Variants in MAST3 observed in about 807,000 individuals in gnomAD.
MAST3 encodes the protein microtubule-associated serine/threonine-protein kinase 3.
In MAST3, 43 loss-of-function variants were observed where a neutral mutation model predicts 127.0. The ratio of observed to expected loss-of-function variants is 0.34; its 90% CI spans 0.27 to 0.44. The LOEUF (loss-of-function observed/expected upper bound fraction) is 0.44, where lower values mean the gene tolerates loss of function less well. Among genes scored for constraint, MAST3 ranks in the 20% least tolerant of loss-of-function variants. The pLI is 1.00. For missense variants in MAST3, 1,390 were observed against 1,919.1 expected (o/e 0.72, Z 5.15); for synonymous variants, 785 against 809.2 (o/e 0.97, Z 0.51).
chr19:18,102,180 T>C (rs2037690602), intron 1 of MAST3, among the ~76,000 whole-genome samples: 1 of 141,618 alleles, frequency 7.1e-6, no homozygotes, highest in African/African-American at 2.7e-5. Flanking sequence ...GCGCCTGGCC[T>C]TTTTTTTTTG....
At chr19:18,126,242 T>G (rs761716981) in intron 11 of MAST3, among the ~76,000 whole-genome samples, 2 of 151,522 alleles carry the variant, frequency 1.3e-5, no homozygotes, top group Non-Finnish European at 2.9e-5. Context: ...AAAAAAAAAT[T>G]TCCACAAATA....
At chr19:18,127,956 ACC>A (rs2040846243) in intron 11 of MAST3, among the ~76,000 whole-genome samples, 6 of 152,212 alleles carry the variant, frequency 3.9e-5, no homozygotes, top group Admixed American at 3.9e-4. Context: ...ACCCAGGTGT[ACC>A]TAAGGCCAGA....
intron 20 of MAST3, among the ~76,000 whole-genome samples, chr19:18,141,609 G>A (rs2042497780): frequency 2.6e-5 from 4 of 152,024 alleles, no homozygotes; most frequent in Admixed American, 2.0e-4. Context: ...CTGACCTCAA[G>A]TGATCCGCCC....
rs745395962 is a variant in MAST3 at position 18,149,773 on chromosome 19, T to G, written c.*47T>G. The G allele has an allele frequency of 2.5e-5, 40 of 1,602,934 alleles. No homozygotes were observed. In the South Asian group the frequency reaches 3.8e-4, roughly 15 times the overall value. On this transcript the variant is annotated 3_prime_UTR_variant, in exon 28 of 28. Coordinates refer to ENST00000687212, the MANE Select transcript of MAST3 (RefSeq NM_001393504.1). This position sits in a 1 kb window ranked among gnomAD's most constrained non-coding sequence, Gnocchi z 5.9. ...GGCATCAAAGTTACGCGTTTTCTTG[T>G]GCAATGTTTTTTCCGTAAAGTCATG...
chr19:18,097,788 G>T lies in MAST3; in HGVS notation c.-5G>T. 4.9e-6 allele frequency: 6 copies of T among 1,218,348 alleles called. No individual in the cohort carries two copies. The highest frequency in any genetic ancestry group is 6.1e-6 in the Non-Finnish European group (6 of 979,426). The allele number at this position is 1,218,348 out of a possible 1,614,324, so 75.5% of individuals were successfully genotyped here. ...GGCGGGCCTGGCGGCGCGGACTCCC[G>T]GGCCATGGACGAGTCGAGCCTCCTG... On this transcript the variant is annotated 5_prime_UTR_variant, in exon 1 of 28. Transcript: ENST00000687212.
chr19:18,127,438 C>G (rs925061995), intron 11 of MAST3, among the ~76,000 whole-genome samples: 1 of 152,088 alleles, frequency 6.6e-6, no homozygotes, highest in African/African-American at 2.4e-5. Flanking sequence ...AATCCCAGCA[C>G]TTTGGGAGGC....
chr19:18,126,948 T>A (rs1176412741), intron 11 of MAST3, among the ~76,000 whole-genome samples: 4 of 151,600 alleles, frequency 2.6e-5, no homozygotes, highest in Non-Finnish European at 5.9e-5. Flanking sequence ...GCCCGGCTAA[T>A]TTTTTGTATT....
intron 1 of MAST3, among the ~76,000 whole-genome samples, chr19:18,107,048 T>TCCG (rs2038138536): frequency 7.4e-6 from 1 of 134,304 alleles, no homozygotes; most frequent in East Asian, 2.4e-4. Context: ...ACTCCTGAAC[T>TCCG]CAAGTGATCC....
intron 15 of MAST3, among the ~76,000 whole-genome samples, chr19:18,133,213 C>G (rs1295797949): frequency 1.3e-5 from 2 of 152,102 alleles, no homozygotes; most frequent in Non-Finnish European, 2.9e-5. Flanking sequence ...GCTCGATGCT[C>G]TAAGGAACTC....
chr19:18,100,128 CTT>C (rs58879254), intron 1 of MAST3, among the ~76,000 whole-genome samples: 6 of 121,700 alleles, frequency 4.9e-5, no homozygotes, highest in African/African-American at 8.4e-5. Context: ...CTCTCTCTCT[CTT>C]TTTTTTTTTT....
intron 5 of MAST3, chr19:18,122,181 A>G (rs1225794474): frequency 1.1e-6 from 1 of 945,416 alleles, no homozygotes; most frequent in East Asian, 1.2e-4. Flanking sequence ...TAGCCCTAAG[A>G]ATCATTAACT....
At chr19:18,136,282 C>T (rs1419066702) in intron 18 of MAST3, among the ~76,000 whole-genome samples, 1 of 152,228 alleles carries the variant, frequency 6.6e-6, no homozygotes. Context: ...CGGGGATCAT[C>T]ACCTGCTCTG....
In MAST3 at chr19:18,102,918, C is replaced by A. The variant is rs149724178; in HGVS notation, c.40-4669C>A. On this transcript the variant is annotated intron_variant, in intron 1 of 27. Coordinates refer to ENST00000687212, the MANE Select transcript of MAST3 (RefSeq NM_001393504.1). ...GGGTGCTCCTGCTGTGCTATGTCTT[C>A]TCCAAAATGGGATTTCCTCAAGGTG... 1.7e-3 allele frequency among the ~76,000 whole-genome samples: 260 copies of A among 152,328 alleles called. 3 individuals are homozygous for A. Among genetic ancestry groups the A allele is most frequent in the African/African-American group, 6.0e-3 (248 of 41,584 alleles).
At chr19:18,124,980 G>A (rs899318457) in intron 11 of MAST3, among the ~76,000 whole-genome samples, 11 of 149,374 alleles carry the variant, frequency 7.4e-5, no homozygotes, top group Admixed American at 7.3e-4. Context: ...GGTGGCGCAT[G>A]CCTGTAATCC....
In MAST3 at chr19:18,135,844, A is replaced by G; in HGVS notation, c.1972+3A>G. ...CCCGCTGGACCGTCTGGGCACTGGT[A>G]TGTAGTGTGGGGGAGAACCCAGGTG... On this transcript the variant is annotated splice_donor_region_variant and intron_variant, in intron 18 of 27. Transcript: ENST00000687212. 1 of 1,599,264 alleles carries G rather than the reference A, an allele frequency of 6.3e-7. No homozygotes were observed. The highest frequency in any genetic ancestry group is 8.5e-7 in the Non-Finnish European group (1 of 1,172,122).
intron 1 of MAST3, among the ~76,000 whole-genome samples, chr19:18,104,678 G>C (rs887549608): frequency 6.6e-6 from 1 of 152,026 alleles, no homozygotes; most frequent in African/African-American, 2.4e-5. Context: ...GGTGTCCTGA[G>C]ACCCAGTTTC....
At position 18,150,517 on chromosome 19, in the gene MAST3, TG is replaced by T. The variant is rs1388893978; in HGVS notation, c.*793del. ...CCCCACACCTACCCATTTGAGGGGA[TG>T]GAGTTGAAGTCACCTGGTCACCTGT... On this transcript the variant is annotated 3_prime_UTR_variant, in exon 28 of 28. Coordinates refer to ENST00000687212, the MANE Select transcript of MAST3 (RefSeq NM_001393504.1). 2 of 152,212 alleles carry T rather than the reference TG, an allele frequency of 1.3e-5. No individual in the cohort carries two copies. Among genetic ancestry groups the T allele is most frequent in the African/African-American group, 4.8e-5 (2 of 41,442 alleles). 9.4% of individuals were successfully genotyped at this position (152,212 alleles called of 1,614,324 possible).
chr19:18,142,184 C>G (rs1327292796), intron 21 of MAST3, among the ~76,000 whole-genome samples, 169 bp downstream of exon 21: 1 of 151,902 alleles, frequency 6.6e-6, no homozygotes, highest in Non-Finnish European at 1.5e-5. Flanking sequence ...GCTCTGTGTT[C>G]CTCACCATGC....
chr19:18,110,554 A>G lies in MAST3; in HGVS notation c.72-98A>G. On this transcript the variant is annotated intron_variant, in intron 2 of 27. Transcript: ENST00000687212. The surrounding 1 kb of genome is among the most constrained non-coding windows in gnomAD (Gnocchi z 4.3). ...CCAGAATCCCCGGTCTTGGGCCCCT[A>G]CTCCCTGAGGGAACCGCAGCCGCCA... 1.2e-6 allele frequency: 1 copy of G among 841,594 alleles called. No individual in the cohort carries two copies. The highest frequency in any genetic ancestry group is 1.4e-6 in the Non-Finnish European group (1 of 699,096). The allele number at this position is 841,594 out of a possible 1,614,324, so 52.1% of individuals were successfully genotyped here. A position where few individuals can be genotyped will look rare whatever the true frequency, so the allele number is the denominator to read the frequency against.
Sources: allele counts gnomAD v4.1 joint callset (sites outside exome capture counted in the v4.1 genomes callset), GRCh38; gene constraint gnomAD v4.1.1; non-coding constraint Gnocchi (gnomAD v3.1); transcripts MANE v1.5; gene names NCBI Gene and HGNC (gene_info 2026-07-23, HGNC 2026-07-21).